The following CAST variants were observed in gnomAD, a reference collection of about 807,000 sequenced individuals.
CAST encodes MIR583 host.
In CAST, 76 loss-of-function variants were observed where a neutral mutation model predicts 119.6. The ratio of observed to expected loss-of-function variants is 0.64; its 90% CI spans 0.53 to 0.77. The LOEUF (loss-of-function observed/expected upper bound fraction) is 0.77. CAST is among the 30% of genes least tolerant of loss of function. The probability of loss-of-function intolerance (pLI) is 0.00; values close to 1 mark genes in which losing one functional copy is unlikely to be tolerated. For missense variants in CAST, 953 were observed against 946.5 expected (o/e 1.01, Z -0.09); for synonymous variants, 319 against 331.6 (o/e 0.96, Z 0.41).
At chr5:96,068,882 T>G in the CAST span, among the ~76,000 whole-genome samples, 5 of 151,440 alleles carry the variant, frequency 3.3e-5, no homozygotes, top group African/African-American at 9.7e-5. Context: ...TATACATATA[T>G]ACATACACCA....
chr5:96,771,507 T>C (rs1264800791), intron 30 of CAST, 137 bp from the exon 31 acceptor site: 20 of 603,902 alleles, frequency 3.3e-5, no homozygotes, highest in Non-Finnish European at 5.9e-5. Flanking sequence ...TGTGGCCAGA[T>C]GAAGAAGAGA....
At chr5:96,598,592 G>A (rs1011197416) in intron 1 of CAST, among the ~76,000 whole-genome samples, 15 of 152,196 alleles carry the variant, frequency 9.9e-5, no homozygotes, top group Admixed American at 3.3e-4. Flanking sequence ...TCCTACCTCC[G>A]TTTTTCTATG....
At chr5:96,459,528 G>A in the CAST span, among the ~76,000 whole-genome samples, 737 of 152,148 alleles carry the variant, frequency 4.8e-3, 8 homozygotes, top group African/African-American at 0.017. Context: ...GGCCATGATG[G>A]CTTTTAAAAA....
chr5:96,662,408 C>T lies in CAST; in HGVS notation c.-15C>T. Reference sequence around the variant, plus strand: ...GCGGCGCATTCCGGGAGGCAGCGGCCGCAGCGGCCTCGCCATGTCCCAGCC... The same window carrying T: ...GCGGCGCATTCCGGGAGGCAGCGGCTGCAGCGGCCTCGCCATGTCCCAGCC... On this transcript the variant is annotated 5_prime_UTR_variant, in exon 1 of 32. Coordinates refer to ENST00000675179, the MANE Select transcript of CAST (RefSeq NM_001750.7). 2 of 1,437,030 alleles carry T rather than the reference C, an allele frequency of 1.4e-6. No individual in the cohort carries two copies. The highest frequency in any genetic ancestry group is 1.4e-5 in the South Asian group (1 of 72,030). The allele number at this position is 1,437,030 out of a possible 1,614,324, so 89.0% of individuals were successfully genotyped here.
chr5:96,013,012 C>G, the CAST span, among the ~76,000 whole-genome samples: 2 of 152,134 alleles, frequency 1.3e-5, no homozygotes, highest in South Asian at 4.1e-4. Context: ...CTTGGATCAG[C>G]TGAGTTTCAG....
intron 29 of CAST, 31 bp downstream of exon 29, chr5:96,768,030 A>T: frequency 7.2e-7 from 1 of 1,386,526 alleles, no homozygotes; most frequent in South Asian, 1.2e-5. Context: ...TCACTCTTTG[A>T]AATGTGTGTG....
At chr5:96,272,961 T>C in the CAST span, among the ~76,000 whole-genome samples, 2 of 152,184 alleles carry the variant, frequency 1.3e-5, no homozygotes, top group South Asian at 4.1e-4. Context: ...TGATGTATAA[T>C]AAATGTGAAC....
the CAST span, among the ~76,000 whole-genome samples, chr5:95,974,775 T>C: frequency 0.8 from 122,286 of 152,178 alleles, 49,923 homozygotes; most frequent in East Asian, 0.96. Context: ...TAAGGGTCAA[T>C]CCCTTATGGT....
the CAST span, among the ~76,000 whole-genome samples, chr5:96,378,896 A>G: frequency 6.6e-6 from 1 of 152,158 alleles, no homozygotes; most frequent in Admixed American, 6.5e-5. Context: ...ATTACAGTGT[A>G]TGTATATATG....
the CAST span, among the ~76,000 whole-genome samples, chr5:96,103,432 G>A: frequency 6.8e-6 from 1 of 147,360 alleles, no homozygotes; most frequent in Non-Finnish European, 1.5e-5. Context: ...TCCCACCTAT[G>A]AGTGAGAATA....
At chr5:96,054,362 C>G in the CAST span, among the ~76,000 whole-genome samples, 1 of 152,074 alleles carries the variant, frequency 6.6e-6, no homozygotes, top group African/African-American at 2.4e-5. Context: ...AAGCAATCCT[C>G]TAGCCTCAGC....
At chr5:96,182,483 A>G in the CAST span, among the ~76,000 whole-genome samples, 1 of 152,238 alleles carries the variant, frequency 6.6e-6, no homozygotes, top group Non-Finnish European at 1.5e-5. Flanking sequence ...GGGTGTAAAG[A>G]AACACCTTTA....
chr5:96,683,727 T>A (rs1262362253), intron 2 of CAST, among the ~76,000 whole-genome samples: 20 of 152,230 alleles, frequency 1.3e-4, no homozygotes, highest in Admixed American at 1.1e-3. Flanking sequence ...TTTACATAGA[T>A]ATTAGAATTA....
chr5:96,268,870 G>A, the CAST span, among the ~76,000 whole-genome samples: 3 of 152,188 alleles, frequency 2.0e-5, no homozygotes, highest in African/African-American at 7.2e-5. Context: ...ATGTGTAGGG[G>A]AGAGACCAAA....
chr5:96,595,766 G>T (rs116476756), intron 1 of CAST, among the ~76,000 whole-genome samples: 35 of 152,240 alleles, frequency 2.3e-4, no homozygotes, highest in East Asian at 1.5e-3. Context: ...AAAACATATA[G>T]CTTGGTTAGA....
At chr5:96,152,083 G>A in the CAST span, among the ~76,000 whole-genome samples, 4 of 152,142 alleles carry the variant, frequency 2.6e-5, no homozygotes, top group East Asian at 1.9e-4. Flanking sequence ...CCCTTGACTC[G>A]TTCTAGGGCT....
the CAST span, among the ~76,000 whole-genome samples, chr5:96,336,799 CAGG>C: frequency 6.6e-6 from 1 of 152,246 alleles, no homozygotes; most frequent in Non-Finnish European, 1.5e-5. Context: ...AATTTGGAGT[CAGG>C]AGATGTGACT....
chr5:96,662,569 C>G (rs1748687363), intron 1 of CAST, 72 bp downstream of exon 1: 3 of 1,309,708 alleles, frequency 2.3e-6, no homozygotes, highest in Non-Finnish European at 2.9e-6. Context: ...TGGCCGCCCT[C>G]CCTGGGCGTT....
the CAST span, among the ~76,000 whole-genome samples, chr5:96,125,243 T>C: frequency 6.6e-6 from 1 of 152,140 alleles, no homozygotes; most frequent in Non-Finnish European, 1.5e-5. Context: ...TTTTAAATGG[T>C]GTCTAAAGTC....
Sources: gnomAD v4.1 joint callset for allele counts (sites outside exome capture counted in the v4.1 genomes callset) on GRCh38, gnomAD v4.1.1 for gene constraint, MANE v1.5 for transcripts, NCBI Gene and HGNC (gene_info 2026-07-23, HGNC 2026-07-21) for gene names.